Variants in PRKG1 observed in about 807,000 individuals in gnomAD.
PRKG1 encodes protein kinase cGMP-dependent 1.
Under a neutral mutation model 88.1 loss-of-function variants are expected in PRKG1, and 35 were observed. The observed-to-expected ratio is 0.40, with a 90% confidence interval of 0.30 to 0.53. The LOEUF (loss-of-function observed/expected upper bound fraction) is 0.53, where lower values mean the gene tolerates loss of function less well. Among genes scored for constraint, PRKG1 ranks in the 20% least tolerant of loss-of-function variants. The probability of loss-of-function intolerance (pLI) is 0.59; values close to 1 mark genes in which losing one functional copy is unlikely to be tolerated. For missense variants in PRKG1, 540 were observed against 839.8 expected, an observed-to-expected ratio of 0.64 and a Z score of 4.41; for synonymous variants, 303 against 292.5, an observed-to-expected ratio of 1.04 and a Z score of -0.37.
chr10:51,168,207 GTCT>G (rs1564625080), intron 2 of PRKG1, among the ~76,000 whole-genome samples: 2 of 151,894 alleles, frequency 1.3e-5, no homozygotes. Context: ...TATCTTTTTT[GTCT>G]TCTTCTGTCT....
chr10:51,095,797 A>G (rs1266291895), intron 1 of PRKG1, among the ~76,000 whole-genome samples: 1 of 152,126 alleles, frequency 6.6e-6, no homozygotes, highest in Non-Finnish European at 1.5e-5. Flanking sequence ...ATTTTTGTAA[A>G]TCAAGGGTTT....
At chr10:51,699,610 G>T in intron 3 of PRKG1, 2 of 1,533,334 alleles carry the variant, frequency 1.3e-6, no homozygotes, top group South Asian at 1.3e-5. Flanking sequence ...TCTTGCGACC[G>T]ACACTTCCGC....
At position 51,410,506 on chromosome 10, in the gene PRKG1, C is replaced by A. The variant is rs576591498; in HGVS notation, c.479-57217C>A. Among the ~76,000 whole-genome samples the A allele has an allele frequency of 3.9e-5, 6 of 152,116 alleles. No homozygotes were observed. The South Asian group carries it at 1.2e-3, about 32-fold the overall frequency. ...TGTTTTTCTGCCTGCTTTATATTTG[C>A]TGGCAGCTGATTAGATGGTGCCCAC... On this transcript the variant is annotated intron_variant, in intron 2 of 17. Transcript: ENST00000373980.
intron 4 of PRKG1, among the ~76,000 whole-genome samples, chr10:51,888,281 AGCACT>A (rs1367014758): frequency 6.6e-6 from 1 of 152,230 alleles, no homozygotes; most frequent in African/African-American, 2.4e-5. Context: ...TTTTTGCCAA[AGCACT>A]GCTTAGTTGG....
intron 5 of PRKG1, among the ~76,000 whole-genome samples, chr10:51,998,224 GT>G (rs1202912455): frequency 1.3e-5 from 2 of 151,796 alleles, no homozygotes; most frequent in Middle Eastern, 3.4e-3. Context: ...GTTTTGCTTT[GT>G]TTTTTTCATA....
chr10:51,418,121 C>A (rs965341377), intron 2 of PRKG1, among the ~76,000 whole-genome samples: 1 of 152,166 alleles, frequency 6.6e-6, no homozygotes, highest in Non-Finnish European at 1.5e-5. Flanking sequence ...GATAAAAGAA[C>A]AGGAGAAAGC....
At chr10:51,017,873 C>T (rs1013035323) in intron 1 of PRKG1, among the ~76,000 whole-genome samples, 1 of 151,988 alleles carries the variant, frequency 6.6e-6, no homozygotes, top group African/African-American at 2.4e-5. Flanking sequence ...TATCATGGCT[C>T]ACTGCAGCCT....
intron 5 of PRKG1, among the ~76,000 whole-genome samples, chr10:52,042,109 T>G (rs1358422697): frequency 6.6e-6 from 1 of 152,122 alleles, no homozygotes; most frequent in African/African-American, 2.4e-5. Context: ...ATTAGAAAAT[T>G]AATATTGTTA....
chr10:51,262,386 T>A (rs10996397), intron 2 of PRKG1, among the ~76,000 whole-genome samples: 17,295 of 152,040 alleles, frequency 0.11, 1,367 homozygotes, highest in African/African-American at 0.22. Context: ...CCATATGACA[T>A]CCTTATCAAA....
intron 9 of PRKG1, among the ~76,000 whole-genome samples, chr10:52,180,547 G>A (rs575742572): frequency 6.6e-6 from 1 of 152,166 alleles, no homozygotes; most frequent in Non-Finnish European, 1.5e-5. Context: ...TTTTACTGAT[G>A]TATGTGGGTC....
At chr10:51,743,737 AATATATATATATAT>A (rs369411662) in intron 3 of PRKG1, among the ~76,000 whole-genome samples, 2 of 40,386 alleles carry the variant, frequency 5.0e-5, no homozygotes, top group African/African-American at 1.7e-4. Context: ...ATATAAACTA[AATATATATATATAT>A]ATATATATAT....
intron 9 of PRKG1, among the ~76,000 whole-genome samples, chr10:52,203,055 A>T (rs944011170): frequency 6.6e-6 from 1 of 152,070 alleles, no homozygotes; most frequent in Middle Eastern, 3.4e-3. Flanking sequence ...GTCTTCTGCT[A>T]GCTTTGGGGT....
In PRKG1 at chr10:52,291,233, CTTTTATTT is replaced by C. The variant is rs796532146; in HGVS notation, c.1962+967_1962+974del. Among the ~76,000 whole-genome samples the C allele has an allele frequency of 3.4e-4, 35 of 101,776 alleles. No individual in the cohort carries two copies. In the East Asian group the frequency reaches 5.3e-3, roughly 15 times the overall value. The allele number at this position is 101,776 out of a possible 152,430, so 66.8% of individuals were successfully genotyped here. ...ACCGCGCTGGGCCTACGTGATCACT[CTTTTATTT>C]TTTTATTTTTTTATTTTTTTATTAT... On this transcript the variant is annotated intron_variant, in intron 17 of 17. Transcript: ENST00000373980.
At chr10:51,777,405 A>G (rs1018972690) in intron 3 of PRKG1, among the ~76,000 whole-genome samples, 1 of 152,094 alleles carries the variant, frequency 6.6e-6, no homozygotes, top group Non-Finnish European at 1.5e-5. Flanking sequence ...TTTTGGGTTC[A>G]CATAGCATTC....
At chr10:51,359,866 A>G (rs147074029) in intron 2 of PRKG1, among the ~76,000 whole-genome samples, 46 of 152,080 alleles carry the variant, frequency 3.0e-4, no homozygotes, top group African/African-American at 1.1e-3. Flanking sequence ...TAATGCAGAT[A>G]TGTCAGACTG....
chr10:52,271,055 T>C (rs1564540129), intron 10 of PRKG1, among the ~76,000 whole-genome samples: 1 of 152,062 alleles, frequency 6.6e-6, no homozygotes, highest in Non-Finnish European at 1.5e-5. Flanking sequence ...AAACACACTC[T>C]ATGACATGAA....
intron 2 of PRKG1, among the ~76,000 whole-genome samples, chr10:51,365,532 A>T (rs528826356): frequency 1.3e-5 from 2 of 152,042 alleles, no homozygotes; most frequent in Admixed American, 6.6e-5. Flanking sequence ...GCCCCAATAA[A>T]TTGGTTAATT....
chr10:51,292,506 A>G (rs1437129039), intron 2 of PRKG1, among the ~76,000 whole-genome samples: 1 of 152,190 alleles, frequency 6.6e-6, no homozygotes, highest in African/African-American at 2.4e-5. Context: ...AATTAAGAGT[A>G]CAAAATACCT....
chr10:51,012,270 A>AACTGC lies in PRKG1; in HGVS notation c.266+20627_266+20631dup, dbSNP rs1384433616. ...AGAGTTTCCTGGTTGTTCTGGACTGAACTGCTTTGGGAGGAACAATAAGTA... is the reference window on the plus strand; with the variant it reads ...AGAGTTTCCTGGTTGTTCTGGACTGAACTGCACTGCTTTGGGAGGAACAATAAGTA... On this transcript the variant is annotated intron_variant, in intron 1 of 17. Transcript: ENST00000401604. Among the ~76,000 whole-genome samples the AACTGC allele has an allele frequency of 2.6e-5, 4 of 152,208 alleles. No individual in the cohort carries two copies. In the East Asian group the frequency reaches 7.7e-4, roughly 29 times the overall value.
Sources: allele counts gnomAD v4.1 joint callset (sites outside exome capture counted in the v4.1 genomes callset), GRCh38; gene constraint gnomAD v4.1.1; transcripts MANE v1.5; gene names NCBI Gene and HGNC (gene_info 2026-07-23, HGNC 2026-07-21).